The following IQSEC1 variants were observed in gnomAD, a reference collection of about 807,000 sequenced individuals.
IQSEC1 encodes the protein IQ motif and SEC7 domain-containing protein 1.
In IQSEC1, 31 loss-of-function variants were observed where a neutral mutation model predicts 91.0. The ratio of observed to expected loss-of-function variants is 0.34; its 90% CI spans 0.26 to 0.46. The LOEUF is 0.46. Ranked by LOEUF, IQSEC1 falls within the 20% of genes least tolerant of loss-of-function variation. The pLI is 1.00. For synonymous variants in IQSEC1, 699 were observed against 662.6 expected, an observed-to-expected ratio of 1.05 and a Z score of -0.84; for missense variants, 1,388 against 1,575.6, an observed-to-expected ratio of 0.88 and a Z score of 2.02.
intron 1 of IQSEC1, among the ~76,000 whole-genome samples, chr3:13,190,863 G>A (rs1342781945): frequency 6.6e-6 from 1 of 152,134 alleles, no homozygotes; most frequent in African/African-American, 2.4e-5. Flanking sequence ...ATGGGAGGAG[G>A]GCTCTCTCCC....
chr3:13,226,786 T>C (rs1262791759), intron 1 of IQSEC1, among the ~76,000 whole-genome samples: 1 of 152,150 alleles, frequency 6.6e-6, no homozygotes, highest in Non-Finnish European at 1.5e-5. Flanking sequence ...CATGGAAATA[T>C]ACAAACTCAG....
chr3:13,082,318 C>T (rs1340674945), intron 2 of IQSEC1, among the ~76,000 whole-genome samples: 1 of 152,216 alleles, frequency 6.6e-6, no homozygotes, highest in Non-Finnish European at 1.5e-5. Context: ...CACAGTCTCA[C>T]CACCCCTGAC....
Position 13,041,750 on chromosome 3 carries a change from C to T in IQSEC1, c.23+31242G>A, listed in dbSNP as rs183889670. ...GTCCCCAAATCCATGTCATCAAATC[C>T]GAATCCCTACAGTTGGGAAACAGGC... is the stretch of plus-strand genomic sequence containing the variant. On this transcript the variant is annotated intron_variant, in intron 1 of 13. Coordinates refer to ENST00000613206, the MANE Select transcript of IQSEC1 (RefSeq NM_001134382.3). 5.0e-3 allele frequency among the ~76,000 whole-genome samples: 763 copies of T among 152,294 alleles called. 4 individuals are homozygous for T. Among genetic ancestry groups the T allele is most frequent in the African/African-American group, 0.017 (718 of 41,566 alleles).
intron 1 of IQSEC1, among the ~76,000 whole-genome samples, chr3:13,004,148 G>C (rs541223891): frequency 6.6e-6 from 1 of 152,302 alleles, no homozygotes; most frequent in Admixed American, 6.5e-5. Context: ...AAAAAGCCCT[G>C]AGCTAGTTGT....
In IQSEC1 at chr3:13,214,834, G is replaced by C. The variant is rs528049229; in HGVS notation, c.273-50701C>G. On this transcript the variant is annotated intron_variant, in intron 1 of 15. Coordinates refer to the IQSEC1 transcript ENST00000648114. This position sits in a 1 kb window ranked among gnomAD's most constrained non-coding sequence, Gnocchi z 4.5. ...ACTTCTCTTTCTGTGTAAAGAGCAAGAGCAGGTCCCAGTGTTTGCAGCTGA... is the reference window on the plus strand; with the variant it reads ...ACTTCTCTTTCTGTGTAAAGAGCAACAGCAGGTCCCAGTGTTTGCAGCTGA... 7.2e-5 allele frequency among the ~76,000 whole-genome samples: 11 copies of C among 152,372 alleles called. No individual in the cohort carries two copies. In the South Asian group the frequency reaches 1.7e-3, roughly 23 times the overall value.
intron 1 of IQSEC1, among the ~76,000 whole-genome samples, chr3:13,258,955 C>A (rs1489973882): frequency 2.0e-5 from 3 of 152,196 alleles, no homozygotes; most frequent in Non-Finnish European, 2.9e-5. Context: ...TGGGCTCTGC[C>A]ACCTCCATCC....
chr3:13,005,913 C>T (rs1490196288), intron 1 of IQSEC1, among the ~76,000 whole-genome samples: 1 of 152,232 alleles, frequency 6.6e-6, no homozygotes, highest in Non-Finnish European at 1.5e-5. Flanking sequence ...CACATCACAG[C>T]ACACAGAGTG....
At chr3:13,070,948 G>A (rs111269968) in intron 1 of IQSEC1, among the ~76,000 whole-genome samples, 133 of 152,312 alleles carry the variant, frequency 8.7e-4, no homozygotes, top group African/African-American at 3.0e-3. Context: ...AAGAGTATTG[G>A]AATCCATATA....
chr3:13,031,098 C>G (rs1315923382), intron 1 of IQSEC1, among the ~76,000 whole-genome samples: 2 of 152,246 alleles, frequency 1.3e-5, no homozygotes, highest in Non-Finnish European at 2.9e-5. Flanking sequence ...CCGAGTTTCA[C>G]ACAGATACTG....
At chr3:12,960,778 T>C (rs1700193752) in intron 1 of IQSEC1, 1 of 152,256 alleles carries the variant, frequency 6.6e-6, no homozygotes, top group African/African-American at 2.4e-5. Context: ...GTCTCAATCT[T>C]GTGCCAACTT....
At chr3:12,902,692 A>AAAAAAAAAAAAAAAACC in intron 13 of IQSEC1, 81 bp downstream of exon 13, 1 of 723,930 alleles carries the variant, frequency 1.4e-6, no homozygotes, top group Non-Finnish European at 2.3e-6. Flanking sequence ...AAAAAAAAAA[A>AAAAAAAAAAAAAAAACC]AACCAGGACA....
chr3:13,081,768 C>G (rs184420693), intron 2 of IQSEC1, among the ~76,000 whole-genome samples: 2 of 152,232 alleles, frequency 1.3e-5, no homozygotes, highest in Admixed American at 6.5e-5. Context: ...AAGCTGGCTC[C>G]GACACCGCCT....
chr3:13,097,483 C>T (rs191452755), intron 2 of IQSEC1, among the ~76,000 whole-genome samples: 143 of 152,264 alleles, frequency 9.4e-4, no homozygotes, highest in Middle Eastern at 3.4e-3. Context: ...CCTGTGTTGG[C>T]GTCAACTTTC....
rs970370430 is a variant in IQSEC1, at chr3:13,060,877, C to G, written c.23+12115G>C. ...ACGCCCAGGCCCCAGGCCTGATATCCAGAGTCTAAATCCCACCTCAGCCCA... is the reference window on the plus strand; with the variant it reads ...ACGCCCAGGCCCCAGGCCTGATATCGAGAGTCTAAATCCCACCTCAGCCCA... On this transcript the variant is annotated intron_variant, in intron 1 of 13. Transcript: ENST00000613206. 9.2e-5 allele frequency among the ~76,000 whole-genome samples: 14 copies of G among 152,294 alleles called. No individual in the cohort carries two copies. In the South Asian group the frequency reaches 2.7e-3, roughly 29 times the overall value.
intron 1 of IQSEC1, among the ~76,000 whole-genome samples, chr3:13,027,690 G>T (rs539536582): frequency 6.6e-6 from 1 of 152,164 alleles, no homozygotes; most frequent in African/African-American, 2.4e-5. Context: ...TTCCATCCAC[G>T]GTGACAGGGA....
chr3:13,001,115 C>CT (rs567527065), intron 1 of IQSEC1, among the ~76,000 whole-genome samples: 135 of 151,244 alleles, frequency 8.9e-4, no homozygotes, highest in African/African-American at 2.9e-3. Flanking sequence ...CAATGCCCAG[C>CT]TTTTTTTTTA....
intron 1 of IQSEC1, among the ~76,000 whole-genome samples, chr3:13,268,602 C>T (rs966181177): frequency 1.1e-4 from 16 of 152,006 alleles, no homozygotes; most frequent in South Asian, 2.1e-4. Context: ...CACGAATATC[C>T]GTAAAAGGGC....
Position 12,898,441 on chromosome 3 carries a change from A to T in IQSEC1, c.*2542T>A, listed in dbSNP as rs1693863987. ...GTGGGTTCCAGCAGTTCCTTACGCG[A>T]GGCCCTGCTGCCCAGCACAGCTCCA... On this transcript the variant is annotated 3_prime_UTR_variant, in exon 14 of 14. Coordinates refer to ENST00000613206, the MANE Select transcript of IQSEC1 (RefSeq NM_001134382.3). 1 of 152,264 alleles carries T rather than the reference A, an allele frequency of 6.6e-6. No individual in the cohort carries two copies. Among genetic ancestry groups the T allele is most frequent in the South Asian group, 2.1e-4 (1 of 4,834 alleles). 9.4% of individuals were successfully genotyped at this position (152,264 alleles called of 1,614,324 possible).
At chr3:13,200,155 C>T (rs1281727187) in intron 1 of IQSEC1, among the ~76,000 whole-genome samples, 2 of 151,248 alleles carry the variant, frequency 1.3e-5, no homozygotes, top group Non-Finnish European at 2.9e-5. Flanking sequence ...TGCACACACA[C>T]CAAACACACA....
Sources: gnomAD v4.1 joint callset for allele counts (sites outside exome capture counted in the v4.1 genomes callset) on GRCh38, gnomAD v4.1.1 for gene constraint, Gnocchi (gnomAD v3.1) non-coding constraint, MANE v1.5 for transcripts, NCBI Gene and HGNC (gene_info 2026-07-23, HGNC 2026-07-21) for gene names.